Variants in LDAH observed in about 807,000 individuals in gnomAD.
The protein encoded by LDAH is lipid droplet-associated hydrolase.
LDAH carries 26 observed loss-of-function variants against 29.6 expected under a neutral mutation model. That is an observed-to-expected ratio of 0.88 (90% CI 0.64 to 1.22). The LOEUF is 1.22. LDAH is among the 50% of genes most tolerant of loss of function. The pLI is 0.00. For synonymous variants in LDAH, 117 were observed against 133.0 expected (o/e 0.88, Z 0.83); for missense variants, 344 against 387.3 (o/e 0.89, Z 0.94).
At chr2:20,730,164 T>C (rs1467557638) in intron 5 of LDAH, among the ~76,000 whole-genome samples, 1 of 152,208 alleles carries the variant, frequency 6.6e-6, no homozygotes, top group Non-Finnish European at 1.5e-5. Flanking sequence ...TATTATCAAG[T>C]AGAATTCCAT....
intron 1 of LDAH, among the ~76,000 whole-genome samples, chr2:20,804,212 T>C (rs1671913794): frequency 1.3e-5 from 2 of 152,182 alleles, no homozygotes; most frequent in African/African-American, 2.4e-5. Flanking sequence ...CTGCCCAGAT[T>C]GAACATCCTA....
intron 5 of LDAH, among the ~76,000 whole-genome samples, chr2:20,715,993 T>C (rs1572461683): frequency 6.6e-6 from 1 of 152,044 alleles, no homozygotes. Flanking sequence ...TCATCACTGG[T>C]CATCAGAGAA....
At chr2:20,730,410 C>T (rs767445179) in intron 5 of LDAH, among the ~76,000 whole-genome samples, 2 of 152,070 alleles carry the variant, frequency 1.3e-5, no homozygotes, top group Non-Finnish European at 2.9e-5. Flanking sequence ...GTGGGTGCAC[C>T]ATTTTACATT....
intron 3 of LDAH, among the ~76,000 whole-genome samples, chr2:20,778,089 GA>G (rs1669939927): frequency 6.7e-6 from 1 of 150,096 alleles, no homozygotes; most frequent in African/African-American, 2.5e-5. Flanking sequence ...AATTGTGGGG[GA>G]AAGAAAGAGA....
At position 20,684,787 on chromosome 2, in the gene LDAH, G is replaced by A. The variant is rs1262355118; in HGVS notation, c.*2116C>T. On this transcript the variant is annotated 3_prime_UTR_variant, in exon 7 of 7. Coordinates refer to ENST00000237822, the MANE Select transcript of LDAH (RefSeq NM_021925.4). ...TGCAGGAAGTTAAAACTTTCACAAA[G>A]ACCATCCATGTGGTTGACTGGGACA... is the stretch of plus-strand genomic sequence containing the variant. 4.3e-6 allele frequency: 6 copies of A among 1,380,238 alleles called. No individual in the cohort carries two copies. Among genetic ancestry groups the A allele is most frequent in the Non-Finnish European group, 5.9e-6 (6 of 1,020,730 alleles). The allele number at this position is 1,380,238 out of a possible 1,614,324, so 85.5% of individuals were successfully genotyped here.
chr2:20,689,908 A>G (rs1303607326), intron 6 of LDAH, among the ~76,000 whole-genome samples: 5 of 152,346 alleles, frequency 3.3e-5, no homozygotes, highest in Non-Finnish European at 5.9e-5. Flanking sequence ...GTGAAGTCCT[A>G]TGATAATGGC....
In LDAH at chr2:20,687,065, A is replaced by G; in HGVS notation, c.816T>C (p.Pro272=). Residue 272 remains proline (P), a synonymous_variant, in exon 7 of 7, where the codon CCT becomes CCC. Coordinates refer to ENST00000237822, the MANE Select transcript of LDAH (RefSeq NM_021925.4). ...CTTCATAGTACTCTTTTGGACACCA[A>G]GGATCTATAGTACCATAATAAAATG... ...KLTFYYGTID[P]WCPKEYYEDI... is the part of the protein sequence containing the mutation. 1.2e-6 allele frequency: 2 copies of G among 1,613,288 alleles called. No individual in the cohort carries two copies.
chr2:20,696,129 T>C (rs956589564), intron 6 of LDAH, among the ~76,000 whole-genome samples: 6 of 152,150 alleles, frequency 3.9e-5, no homozygotes, highest in Non-Finnish European at 8.8e-5. Flanking sequence ...ACTAACACAA[T>C]CCGTTTCAGA....
intron 5 of LDAH, among the ~76,000 whole-genome samples, chr2:20,738,933 G>C (rs1226673238): frequency 6.6e-6 from 1 of 152,188 alleles, no homozygotes; most frequent in Non-Finnish European, 1.5e-5. Flanking sequence ...TCTTAATACA[G>C]CTGAGCATGG....
chr2:20,694,673 C>A (rs1008294682), intron 6 of LDAH, among the ~76,000 whole-genome samples: 2 of 152,178 alleles, frequency 1.3e-5, no homozygotes, highest in Non-Finnish European at 2.9e-5. Flanking sequence ...GCCCGTGAAC[C>A]CTGCTTCTCT....
chr2:20,744,083 A>T (rs1017210504), intron 4 of LDAH, among the ~76,000 whole-genome samples: 7 of 151,592 alleles, frequency 4.6e-5, no homozygotes, highest in Non-Finnish European at 8.8e-5. Flanking sequence ...CTCTTCTTAC[A>T]TTGTCTACCT....
At chr2:20,722,856 G>C (rs989168110) in intron 5 of LDAH, among the ~76,000 whole-genome samples, 10 of 152,176 alleles carry the variant, frequency 6.6e-5, no homozygotes, top group African/African-American at 2.4e-4. Flanking sequence ...AATACCAAGT[G>C]TTGGTGAGCA....
chr2:20,715,021 A>T (rs1160887101), intron 5 of LDAH, among the ~76,000 whole-genome samples: 2 of 152,232 alleles, frequency 1.3e-5, no homozygotes, highest in African/African-American at 4.8e-5. Context: ...AATCCTCCCT[A>T]ACTCATTTTA....
At position 20,762,238 on chromosome 2, in the gene LDAH, T is replaced by C. The variant is rs549364352; in HGVS notation, c.468+12572A>G. ...TAGATAATAGTTTTGCACATGATTTTTTCTATCTTTGTCTGTTTTCTTAAT... is the reference window on the plus strand; with the variant it reads ...TAGATAATAGTTTTGCACATGATTTCTTCTATCTTTGTCTGTTTTCTTAAT... On this transcript the variant is annotated intron_variant, in intron 4 of 6. Coordinates refer to ENST00000237822, the MANE Select transcript of LDAH (RefSeq NM_021925.4). Among the ~76,000 whole-genome samples the C allele has an allele frequency of 2.0e-5, 3 of 152,270 alleles. No individual in the cohort carries two copies. In the East Asian group the frequency reaches 5.8e-4, roughly 29 times the overall value.
At chr2:20,691,484 C>G (rs1663020757) in intron 6 of LDAH, among the ~76,000 whole-genome samples, 1 of 152,198 alleles carries the variant, frequency 6.6e-6, no homozygotes, top group African/African-American at 2.4e-5. Flanking sequence ...GCCTTCCCAA[C>G]TACCTTTACT....
chr2:20,693,989 T>A (rs73919643), intron 6 of LDAH, among the ~76,000 whole-genome samples: 3 of 152,386 alleles, frequency 2.0e-5, no homozygotes, highest in Non-Finnish European at 4.4e-5. Flanking sequence ...ATGTCATTCC[T>A]GCTTTCTCCA....
At chr2:20,769,899 A>G (rs868270233) in intron 4 of LDAH, among the ~76,000 whole-genome samples, 4 of 152,230 alleles carry the variant, frequency 2.6e-5, no homozygotes, top group Admixed American at 6.5e-5. Context: ...TAGTAGCAAT[A>G]AATTAGAAGT....
chr2:20,805,381 G>A (rs1390270793), intron 1 of LDAH, among the ~76,000 whole-genome samples: 5 of 152,058 alleles, frequency 3.3e-5, no homozygotes, highest in African/African-American at 7.2e-5. Flanking sequence ...CTTCACTCTC[G>A]TATTTCTGAA....
At chr2:20,719,635 A>T (rs1665501672) in intron 5 of LDAH, among the ~76,000 whole-genome samples, 1 of 152,146 alleles carries the variant, frequency 6.6e-6, no homozygotes, top group Non-Finnish European at 1.5e-5. Context: ...CTATGAGGCC[A>T]GCATTACCAT....
Sources: gnomAD v4.1 joint callset for allele counts (sites outside exome capture counted in the v4.1 genomes callset) on GRCh38, gnomAD v4.1.1 for gene constraint, MANE v1.5 for transcripts, NCBI Gene and HGNC (gene_info 2026-07-23, HGNC 2026-07-21) for gene names.